Variants in PPP5C observed in about 807,000 individuals in gnomAD.
The protein encoded by PPP5C is protein phosphatase 5 catalytic subunit.
In PPP5C, 21 loss-of-function variants were observed where a neutral mutation model predicts 66.7. That is an observed-to-expected ratio of 0.31 (90% CI 0.22 to 0.45). The LOEUF (loss-of-function observed/expected upper bound fraction) is 0.45. Ranked by LOEUF, PPP5C falls within the 20% of genes least tolerant of loss-of-function variation. The probability of loss-of-function intolerance (pLI) is 1.00; values close to 1 mark genes in which losing one functional copy is unlikely to be tolerated. For missense variants in PPP5C, 464 were observed against 675.9 expected, an observed-to-expected ratio of 0.69 and a Z score of 3.48; for synonymous variants, 246 against 257.4, an observed-to-expected ratio of 0.96 and a Z score of 0.43.
chr19:46,356,894 G>A lies in PPP5C; in HGVS notation c.363+2905G>A, dbSNP rs1365470298. Among the ~76,000 whole-genome samples the A allele has an allele frequency of 3.9e-5, 6 of 152,198 alleles. No homozygotes were observed. The East Asian group carries it at 1.2e-3, about 29-fold the overall frequency. On this transcript the variant is annotated intron_variant, in intron 2 of 12. Transcript: ENST00000012443. ...CCAGTGCAGGGGCTAGATGGGGCAG[G>A]CTCTGGGCTCAGGACGCCTAGGTTC...
In PPP5C at chr19:46,390,482, C is replaced by T; in HGVS notation, c.*136C>T. ...TACTTTGTAAAGTTTGTATTTATTC[C>T]CCTTTAGGTTTGCAGAGGGGGTAGG... On this transcript the variant is annotated 3_prime_UTR_variant, in exon 13 of 13. Transcript: ENST00000012443. 6.7e-7 allele frequency: 1 copy of T among 1,498,306 alleles called. No homozygotes were observed. Among genetic ancestry groups the T allele is most frequent in the South Asian group, 1.3e-5 (1 of 79,268 alleles). 92.8% of individuals were successfully genotyped at this position (1,498,306 alleles called of 1,614,324 possible).
At chr19:46,381,881 G>T (rs531584660) in intron 4 of PPP5C, 4 of 152,348 alleles carry the variant, frequency 2.6e-5, no homozygotes, top group African/African-American at 9.6e-5. Flanking sequence ...CTTTAAATGT[G>T]TTCAGAGTAG....
rs183932377 is a variant in PPP5C, at chr19:46,385,010, C to A, written c.904+101C>A. 1.3e-4 allele frequency: 127 copies of A among 961,200 alleles called. 1 individual carries two copies. The African/African-American group carries it at 1.9e-3, about 15-fold the overall frequency. The allele number at this position is 961,200 out of a possible 1,614,324, so 59.5% of individuals were successfully genotyped here. On this transcript the variant is annotated intron_variant, in intron 7 of 12. Transcript: ENST00000012443. ...TGCAGCTGTATTTATTTTGTGGACT[C>A]GGAGATCATGCACAGGGCGACCTTT... is the stretch of plus-strand genomic sequence containing the variant.
Position 46,383,698 on chromosome 19 carries a change from C to A in PPP5C, c.700-82C>A. The A allele has an allele frequency of 8.2e-7, 1 of 1,222,992 alleles. No individual in the cohort carries two copies. The allele number at this position is 1,222,992 out of a possible 1,614,324, so 75.8% of individuals were successfully genotyped here. A position where few individuals can be genotyped will look rare whatever the true frequency, so the allele number is the denominator to read the frequency against. ...ATGATTCTTCTTGGTCTACTGTGAA[C>A]TCTTACCCTTCCCCTCACCTCTGCC... is the stretch of plus-strand genomic sequence containing the variant. On this transcript the variant is annotated intron_variant, in intron 5 of 12. Coordinates refer to ENST00000012443, the MANE Select transcript of PPP5C (RefSeq NM_006247.4). The surrounding 1 kb of genome is among the most constrained non-coding windows in gnomAD (Gnocchi z 5.0).
At chr19:46,348,725 G>C (rs993297346) in intron 1 of PPP5C, among the ~76,000 whole-genome samples, 1 of 152,132 alleles carries the variant, frequency 6.6e-6, no homozygotes, top group African/African-American at 2.4e-5. Context: ...GGTCTAGAGG[G>C]GGGACTTAGG....
rs974999665 is a variant in PPP5C at position 46,383,574 on chromosome 19, C to G, written c.699+98C>G. 2.1e-5 allele frequency: 27 copies of G among 1,266,452 alleles called. No individual in the cohort carries two copies. The African/African-American group carries it at 3.1e-4, about 15-fold the overall frequency. 78.5% of individuals were successfully genotyped at this position (1,266,452 alleles called of 1,614,324 possible). On this transcript the variant is annotated intron_variant, in intron 5 of 12. Transcript: ENST00000012443. This position sits in a 1 kb window ranked among gnomAD's most constrained non-coding sequence, Gnocchi z 5.0. ...CAGGAACTCACGGATCCACCTCCCT[C>G]TCTCCCTCACACCCCACCCCTGTGC...
intron 2 of PPP5C, among the ~76,000 whole-genome samples, chr19:46,368,267 A>T (rs1393137750): frequency 6.6e-6 from 1 of 152,198 alleles, no homozygotes; most frequent in Non-Finnish European, 1.5e-5. Flanking sequence ...CGTAAGCTTC[A>T]CCAGGTGGTG....
chr19:46,365,234 C>T (rs10405383), intron 2 of PPP5C, among the ~76,000 whole-genome samples: 1,617 of 152,280 alleles, frequency 0.011, 36 homozygotes, highest in African/African-American at 0.037. Flanking sequence ...CTGCCCACCT[C>T]GGCCTCCCAA....
At chr19:46,373,969 G>T (rs1972643957) in intron 2 of PPP5C, among the ~76,000 whole-genome samples, 1 of 152,196 alleles carries the variant, frequency 6.6e-6, no homozygotes, top group African/African-American at 2.4e-5. Context: ...CTGGCTGGGA[G>T]GTATAGAGGG....
rs932971107 is a variant in PPP5C, at chr19:46,388,198, T to C, written c.1136-210T>C. 1.8e-6 allele frequency: 1 copy of C among 552,938 alleles called. No homozygotes were observed. The highest frequency in any genetic ancestry group is 3.2e-6 in the Non-Finnish European group (1 of 313,040). 34.3% of individuals were successfully genotyped at this position (552,938 alleles called of 1,614,324 possible). On this transcript the variant is annotated intron_variant, in intron 9 of 12. Transcript: ENST00000012443. The surrounding 1 kb of genome is among the most constrained non-coding windows in gnomAD (Gnocchi z 4.9). ...CGGGGCCACAGGGGATTGAATGGGG[T>C]CTGGAGGGCAGATCAGCAGAGAGGG... is the stretch of plus-strand genomic sequence containing the variant.
chr19:46,369,572 C>T (rs1178105288), intron 2 of PPP5C, among the ~76,000 whole-genome samples: 1 of 148,072 alleles, frequency 6.8e-6, no homozygotes, highest in Non-Finnish European at 1.5e-5. Flanking sequence ...GCAGAGCTTG[C>T]AGTGAGCGGA....
intron 1 of PPP5C, among the ~76,000 whole-genome samples, chr19:46,348,839 A>G (rs1972132259): frequency 6.6e-6 from 1 of 152,228 alleles, no homozygotes. Flanking sequence ...GAGCGCTTCT[A>G]GAACAAGGAG....
intron 2 of PPP5C, among the ~76,000 whole-genome samples, chr19:46,367,060 T>C (rs1413201230): frequency 6.6e-6 from 1 of 152,218 alleles, no homozygotes; most frequent in Non-Finnish European, 1.5e-5. Flanking sequence ...TGTGGTTACA[T>C]AGGTGCGGGA....
At chr19:46,385,014 G>C (rs1601443940) in intron 7 of PPP5C, 105 bp downstream of exon 7, 7 of 918,930 alleles carry the variant, frequency 7.6e-6, no homozygotes, top group African/African-American at 1.6e-5. Flanking sequence ...TGGACTCGGA[G>C]ATCATGCACA....
At chr19:46,354,970 A>G (rs550019511) in intron 2 of PPP5C, among the ~76,000 whole-genome samples, 1 of 152,328 alleles carries the variant, frequency 6.6e-6, no homozygotes, top group Admixed American at 6.5e-5. Flanking sequence ...CCTTCACACC[A>G]GGTGTGCTCT....
chr19:46,354,613 G>A (rs1480011244), intron 2 of PPP5C, among the ~76,000 whole-genome samples: 1 of 152,076 alleles, frequency 6.6e-6, no homozygotes. Context: ...GGGCCACATA[G>A]GGAGGAGACC....
At chr19:46,386,982 G>T in intron 7 of PPP5C, 111 bp from the exon 8 acceptor site, 1 of 1,491,042 alleles carries the variant, frequency 6.7e-7, no homozygotes, top group Non-Finnish European at 9.2e-7. Context: ...CAAGTGCGAG[G>T]CCCATGGGGG....
intron 2 of PPP5C, among the ~76,000 whole-genome samples, chr19:46,370,780 G>A (rs543599932): frequency 2.0e-5 from 3 of 151,646 alleles, no homozygotes; most frequent in Admixed American, 6.6e-5. Flanking sequence ...TTGCTCTGTC[G>A]CCCATGCTGG....
chr19:46,390,042 TC>T lies in PPP5C; in HGVS notation c.1356-6del. 1 of 1,613,852 alleles carries T rather than the reference TC, an allele frequency of 6.2e-7. No individual in the cohort carries two copies. Among genetic ancestry groups the T allele is most frequent in the Non-Finnish European group, 8.5e-7 (1 of 1,179,784 alleles). ...GACCACACTGTCCACTCTGCTCCTG[TC>T]CCTGCAGCGACCAGATGGGGAACAA... On this transcript the variant is annotated splice_polypyrimidine_tract_variant and splice_region_variant and intron_variant, in intron 11 of 12. Transcript: ENST00000012443.
Sources: gnomAD v4.1 joint callset for allele counts (sites outside exome capture counted in the v4.1 genomes callset) on GRCh38, gnomAD v4.1.1 for gene constraint, Gnocchi (gnomAD v3.1) non-coding constraint, MANE v1.5 for transcripts, NCBI Gene and HGNC (gene_info 2026-07-23, HGNC 2026-07-21) for gene names.